The following CTNNA3 variants were observed in gnomAD, a reference collection of about 807,000 sequenced individuals.
The protein encoded by CTNNA3 is catenin alpha 3.
In CTNNA3, 76 loss-of-function variants were observed where a neutral mutation model predicts 95.7. The ratio of observed to expected loss-of-function variants is 0.79; its 90% confidence interval spans 0.66 to 0.96. The LOEUF (loss-of-function observed/expected upper bound fraction) is 0.96, where lower values mean the gene tolerates loss of function less well. CTNNA3 is among the 40% of genes least tolerant of loss of function. The pLI is 0.00. For synonymous variants in CTNNA3, 431 were observed against 374.4 expected (o/e 1.15, Z -1.74); for missense variants, 1,191 against 1,089.8 (o/e 1.09, Z -1.31).
intron 11 of CTNNA3, among the ~76,000 whole-genome samples, chr10:66,503,123 T>C (rs1294358719): frequency 2.0e-5 from 3 of 152,174 alleles, no homozygotes; most frequent in Non-Finnish European, 4.4e-5. Context: ...ATAATGTTAG[T>C]AATAACAGTT....
At chr10:67,338,540 C>T (rs999557568) in intron 5 of CTNNA3, among the ~76,000 whole-genome samples, 1 of 151,826 alleles carries the variant, frequency 6.6e-6, no homozygotes, top group Non-Finnish European at 1.5e-5. Context: ...TATACAAATG[C>T]CAATAAAGCC....
intron 12 of CTNNA3, among the ~76,000 whole-genome samples, chr10:66,360,282 G>T (rs566030739): frequency 6.7e-6 from 1 of 148,600 alleles, no homozygotes; most frequent in East Asian, 1.9e-4. Context: ...GAAAATAAGG[G>T]TTTCCACGTG....
intron 1 of CTNNA3, among the ~76,000 whole-genome samples, chr10:67,747,069 G>T (rs2131744866): frequency 6.6e-6 from 1 of 152,334 alleles, no homozygotes; most frequent in African/African-American, 2.4e-5. Context: ...TCACTGGGCA[G>T]GACCTCCCTG....
At chr10:67,715,061 T>C (rs188156084) in intron 1 of CTNNA3, among the ~76,000 whole-genome samples, 72 of 152,294 alleles carry the variant, frequency 4.7e-4, no homozygotes, top group African/African-American at 1.7e-3. Context: ...CTGAGCACAA[T>C]TGAGAGAGCT....
rs921144023 is a variant in CTNNA3, at chr10:66,440,226, C to T, written c.1532-60874G>A. 3.9e-5 allele frequency among the ~76,000 whole-genome samples: 6 copies of T among 152,058 alleles called. No individual in the cohort carries two copies. In the East Asian group the frequency reaches 1.2e-3, roughly 29 times the overall value. ...ATGTGACTGTCAGGAAAAATGATAT[C>T]TTTGTAATATAATCAATTTTTCTTT... On this transcript the variant is annotated intron_variant, in intron 11 of 17. Transcript: ENST00000433211.
chr10:67,240,054 C>G (rs947447805), intron 5 of CTNNA3, among the ~76,000 whole-genome samples: 1 of 152,152 alleles, frequency 6.6e-6, no homozygotes, highest in African/African-American at 2.4e-5. Context: ...AATAGCTCAG[C>G]ATATACTCTG....
intron 15 of CTNNA3, among the ~76,000 whole-genome samples, chr10:66,048,595 C>A (rs1285542951): frequency 1.3e-5 from 2 of 152,052 alleles, no homozygotes. Context: ...CCCATCTCTA[C>A]TAAAAATACA....
At chr10:66,243,474 G>C (rs1324016526) in intron 13 of CTNNA3, among the ~76,000 whole-genome samples, 1 of 152,090 alleles carries the variant, frequency 6.6e-6, no homozygotes. Context: ...TCTTAACCCA[G>C]ACATTCCTTT....
intron 7 of CTNNA3, among the ~76,000 whole-genome samples, chr10:67,081,813 G>A (rs1012983411): frequency 2.6e-5 from 4 of 152,088 alleles, no homozygotes; most frequent in African/African-American, 9.7e-5. Flanking sequence ...TCCCCTCTGA[G>A]GTCTTTCCTG....
intron 5 of CTNNA3, among the ~76,000 whole-genome samples, chr10:67,418,242 C>T (rs1845614056): frequency 6.6e-6 from 1 of 152,132 alleles, no homozygotes; most frequent in African/African-American, 2.4e-5. Context: ...ACCAATTCAC[C>T]TTGCACATTG....
At chr10:66,053,264 A>G (rs1354520717) in intron 15 of CTNNA3, among the ~76,000 whole-genome samples, 2 of 152,008 alleles carry the variant, frequency 1.3e-5, no homozygotes, top group Non-Finnish European at 2.9e-5. Context: ...CTACCTACCA[A>G]TCACCATCTC....
At chr10:66,092,299 AT>A (rs1302913158) in intron 14 of CTNNA3, among the ~76,000 whole-genome samples, 1 of 151,888 alleles carries the variant, frequency 6.6e-6, no homozygotes, top group East Asian at 1.9e-4. Flanking sequence ...TTCTCAGACT[AT>A]TTTCAACACA....
At chr10:67,227,692 TG>T (rs1864990850) in intron 5 of CTNNA3, among the ~76,000 whole-genome samples, 8 of 152,152 alleles carry the variant, frequency 5.3e-5, no homozygotes, top group Admixed American at 3.3e-4. Context: ...TTGGAACAAA[TG>T]AACTTAACAG....
chr10:67,203,639 C>T (rs576457382), intron 6 of CTNNA3, among the ~76,000 whole-genome samples: 52 of 152,200 alleles, frequency 3.4e-4, no homozygotes, highest in African/African-American at 1.3e-3. Flanking sequence ...GTTTTTATTA[C>T]ACTTTACCTG....
At chr10:66,914,131 T>TTC (rs1846360666) in intron 7 of CTNNA3, among the ~76,000 whole-genome samples, 1 of 3,750 alleles carries the variant, frequency 2.7e-4, no homozygotes, top group Admixed American at 8.1e-3. Flanking sequence ...GGGTGCCTTC[T>TTC]TTTTTTTTTT....
chr10:66,115,071 C>A (rs2082272280), intron 13 of CTNNA3, among the ~76,000 whole-genome samples: 1 of 151,936 alleles, frequency 6.6e-6, no homozygotes, highest in African/African-American at 2.4e-5. Context: ...GGAAAATCTG[C>A]TTAAGGTTGA....
At chr10:66,165,821 C>T (rs56026630) in intron 13 of CTNNA3, among the ~76,000 whole-genome samples, 12,564 of 151,768 alleles carry the variant, frequency 0.083, 542 homozygotes, top group East Asian at 0.15. Flanking sequence ...CAGGCTGGAG[C>T]GCAGTGGTGC....
At chr10:67,581,166 G>A (rs928139146) in intron 3 of CTNNA3, among the ~76,000 whole-genome samples, 29 of 152,114 alleles carry the variant, frequency 1.9e-4, no homozygotes, top group African/African-American at 5.8e-4. Flanking sequence ...TCCGGTTTTC[G>A]CCCATTCAGT....
chr10:66,127,082 T>C (rs568811263), intron 13 of CTNNA3, among the ~76,000 whole-genome samples: 1 of 151,884 alleles, frequency 6.6e-6, no homozygotes, highest in Non-Finnish European at 1.5e-5. Flanking sequence ...TCCTGCTGGC[T>C]AACACGGTGA....
Sources: gnomAD v4.1 joint callset for allele counts (sites outside exome capture counted in the v4.1 genomes callset) on GRCh38, gnomAD v4.1.1 for gene constraint, MANE v1.5 for transcripts, NCBI Gene and HGNC (gene_info 2026-07-23, HGNC 2026-07-21) for gene names.